The following LRMDA variants were observed in gnomAD, a reference collection of about 807,000 sequenced individuals.
LRMDA encodes leucine-rich melanocyte differentiation-associated protein.
Under a neutral mutation model 29.8 loss-of-function variants are expected in LRMDA, and 18 were observed. The ratio of observed to expected loss-of-function variants is 0.60; its 90% confidence interval spans 0.42 to 0.90. LRMDA has a LOEUF of 0.90. Among genes scored for constraint, LRMDA ranks in the 40% least tolerant of loss-of-function variants. The pLI, the probability that LRMDA is intolerant of heterozygous loss-of-function variation, is 0.00. For missense variants in LRMDA, 273 were observed against 273.9 expected, an observed-to-expected ratio of 1.00 and a Z score of 0.02; for synonymous variants, 125 against 109.4, an observed-to-expected ratio of 1.14 and a Z score of -0.89.
At chr10:75,887,311 A>G (rs1845407411) in intron 2 of LRMDA, among the ~76,000 whole-genome samples, 1 of 152,084 alleles carries the variant, frequency 6.6e-6, no homozygotes. Flanking sequence ...ATTATGTATT[A>G]ATGGAAAAAT....
chr10:76,552,445 G>A (rs1843507829), intron 6 of LRMDA, among the ~76,000 whole-genome samples: 1 of 152,242 alleles, frequency 6.6e-6, no homozygotes, highest in South Asian at 2.1e-4. Context: ...TTACAGGCTG[G>A]ATGGGTTTCA....
In LRMDA at chr10:75,447,102, A is replaced by G. The variant is rs148574176; in HGVS notation, c.131+8608A>G. On this transcript the variant is annotated intron_variant, in intron 2 of 6. Transcript: ENST00000611255. ...AAGATAAATTGTTAGTGAATTTTCA[A>G]TGTAGTTCTAGGGCACTGATATATC... 4.8e-3 allele frequency among the ~76,000 whole-genome samples: 733 copies of G among 152,356 alleles called. 6 individuals carry two copies. The highest frequency in any genetic ancestry group is 0.017 in the African/African-American group (693 of 41,578).
intron 2 of LRMDA, among the ~76,000 whole-genome samples, chr10:75,815,386 G>A (rs994039880): frequency 2.6e-5 from 4 of 152,176 alleles, no homozygotes; most frequent in African/African-American, 4.8e-5. Flanking sequence ...CAGTTGTGGT[G>A]GATGTGATTA....
intron 5 of LRMDA, among the ~76,000 whole-genome samples, chr10:76,280,823 A>G (rs369355440): frequency 1.3e-5 from 2 of 152,088 alleles, no homozygotes; most frequent in Non-Finnish European, 2.9e-5. Flanking sequence ...TTAAAAAAAA[A>G]GGTACTGGAC....
intron 2 of LRMDA, among the ~76,000 whole-genome samples, chr10:75,542,218 A>T (rs1840027210): frequency 6.6e-6 from 1 of 152,140 alleles, no homozygotes. Flanking sequence ...CTTTCCTTGC[A>T]TGACTAAACT....
At chr10:75,506,309 C>G (rs979760478) in intron 2 of LRMDA, among the ~76,000 whole-genome samples, 7 of 152,180 alleles carry the variant, frequency 4.6e-5, no homozygotes, top group Non-Finnish European at 5.9e-5. Flanking sequence ...TGTTCCACTT[C>G]CTGCCACTCC....
intron 2 of LRMDA, among the ~76,000 whole-genome samples, chr10:75,499,500 G>A (rs897002703): frequency 2.6e-5 from 4 of 152,216 alleles, no homozygotes; most frequent in African/African-American, 7.2e-5. Context: ...GATGATAATA[G>A]CACTTTACTT....
intron 5 of LRMDA, among the ~76,000 whole-genome samples, chr10:76,131,253 A>G (rs1849987728): frequency 6.6e-6 from 1 of 151,794 alleles, no homozygotes; most frequent in East Asian, 1.9e-4. Context: ...CCACTTTCCT[A>G]TTGTATCCTT....
intron 2 of LRMDA, among the ~76,000 whole-genome samples, chr10:75,479,413 A>G (rs1844832803): frequency 1.3e-5 from 2 of 151,912 alleles, no homozygotes; most frequent in African/African-American, 2.4e-5. Flanking sequence ...AGGCTGAGGC[A>G]GGATAATGGC....
At chr10:76,098,644 T>G (rs182911971) in intron 5 of LRMDA, among the ~76,000 whole-genome samples, 294 of 152,332 alleles carry the variant, frequency 1.9e-3, no homozygotes, top group African/African-American at 6.9e-3. Flanking sequence ...AACTAGATTT[T>G]GGTACTACTA....
chr10:75,661,485 A>G (rs1261416575), intron 2 of LRMDA, among the ~76,000 whole-genome samples: 1 of 152,182 alleles, frequency 6.6e-6, no homozygotes, highest in Non-Finnish European at 1.5e-5. Context: ...AGCAATGCCA[A>G]TGCTGCTGGT....
chr10:75,982,319 C>G (rs972859196), intron 2 of LRMDA, among the ~76,000 whole-genome samples: 2 of 152,178 alleles, frequency 1.3e-5, no homozygotes, highest in African/African-American at 4.8e-5. Flanking sequence ...GCGATTCCCC[C>G]TTACATTCCC....
At chr10:76,019,001 G>A (rs1342202081) in intron 2 of LRMDA, among the ~76,000 whole-genome samples, 1 of 152,180 alleles carries the variant, frequency 6.6e-6, no homozygotes, top group Non-Finnish European at 1.5e-5. Context: ...CAAATAGGTA[G>A]GGTAACTTTC....
rs114682449 is a variant in LRMDA, at chr10:76,248,920, C to A, written c.517-75481C>A. On this transcript the variant is annotated intron_variant, in intron 5 of 6. Transcript: ENST00000611255. Reference sequence around the variant, plus strand: ...ATCCTATGAAATGCTAAATGCCTTTCTTATCAACACTTGATGGGAAAATGC... The same window carrying A: ...ATCCTATGAAATGCTAAATGCCTTTATTATCAACACTTGATGGGAAAATGC... Among the ~76,000 whole-genome samples the A allele has an allele frequency of 5.1e-3, 773 of 152,296 alleles. 7 individuals are homozygous for A. Among genetic ancestry groups the A allele is most frequent in the African/African-American group, 0.018 (737 of 41,556 alleles).
At chr10:75,482,061 G>C (rs1024303879) in intron 2 of LRMDA, among the ~76,000 whole-genome samples, 2 of 152,152 alleles carry the variant, frequency 1.3e-5, no homozygotes, top group Non-Finnish European at 2.9e-5. Flanking sequence ...TATGTTCCTA[G>C]TTATTCTCCC....
chr10:75,947,744 T>C (rs995956450), intron 2 of LRMDA, among the ~76,000 whole-genome samples: 6 of 152,236 alleles, frequency 3.9e-5, no homozygotes, highest in Non-Finnish European at 8.8e-5. Flanking sequence ...AGGGGCTCTA[T>C]AAACAGTTAT....
intron 2 of LRMDA, among the ~76,000 whole-genome samples, chr10:75,567,961 G>A (rs1234772898): frequency 6.6e-6 from 1 of 152,232 alleles, no homozygotes; most frequent in Non-Finnish European, 1.5e-5. Flanking sequence ...AGAAGCCCAT[G>A]AAATTGTAGG....
chr10:75,735,364 G>A (rs1842749608), intron 2 of LRMDA, among the ~76,000 whole-genome samples: 1 of 152,188 alleles, frequency 6.6e-6, no homozygotes, highest in Admixed American at 6.5e-5. Flanking sequence ...CCTGCAGCTA[G>A]CTTTGCTCAG....
intron 5 of LRMDA, among the ~76,000 whole-genome samples, chr10:76,092,419 C>A (rs1457133499): frequency 1.3e-5 from 2 of 152,190 alleles, no homozygotes; most frequent in Admixed American, 1.3e-4. Context: ...TATTTCTGAG[C>A]CTGCTCAAAC....
Sources: allele counts gnomAD v4.1 joint callset (sites outside exome capture counted in the v4.1 genomes callset), GRCh38; gene constraint gnomAD v4.1.1; transcripts MANE v1.5; gene names NCBI Gene and HGNC (gene_info 2026-07-23, HGNC 2026-07-21).